The following EYA4 variants were observed in gnomAD, a reference collection of about 807,000 sequenced individuals.
EYA4 encodes protein phosphatase EYA4.
A neutral mutation model predicts 87.9 loss-of-function variants in EYA4; 31 were observed. The ratio of observed to expected loss-of-function variants is 0.35; its 90% confidence interval spans 0.27 to 0.48. EYA4 has a LOEUF of 0.48. Among genes scored for constraint, EYA4 ranks in the 20% least tolerant of loss-of-function variants. EYA4 has a pLI of 0.99. For synonymous variants in EYA4, 263 were observed against 270.6 expected, an observed-to-expected ratio of 0.97 and a Z score of 0.28; for missense variants, 678 against 761.4, an observed-to-expected ratio of 0.89 and a Z score of 1.29.
chr6:133,402,185 A>T (rs1011173043), intron 3 of EYA4, among the ~76,000 whole-genome samples: 1 of 152,080 alleles, frequency 6.6e-6, no homozygotes, highest in Admixed American at 6.6e-5. Context: ...ACACACACAC[A>T]TACCCCTTCT....
intron 13 of EYA4, among the ~76,000 whole-genome samples, chr6:133,498,364 A>T (rs931453147): frequency 3.3e-5 from 5 of 152,210 alleles, no homozygotes; most frequent in Non-Finnish European, 7.3e-5. Context: ...TGTATATAAA[A>T]TAAGGAGAAT....
intron 2 of EYA4, among the ~76,000 whole-genome samples, chr6:133,279,295 C>T (rs1199603976): frequency 5.3e-5 from 8 of 152,206 alleles, no homozygotes; most frequent in East Asian, 1.9e-4. Context: ...TTATGCATTA[C>T]GGGCCTGAAC....
chr6:133,305,826 A>G (rs894167974), intron 2 of EYA4, among the ~76,000 whole-genome samples: 4 of 152,198 alleles, frequency 2.6e-5, no homozygotes, highest in Admixed American at 6.6e-5. Context: ...TTTTTCAACT[A>G]TGTCCATTAG....
At chr6:133,304,487 C>T (rs1433888569) in intron 2 of EYA4, among the ~76,000 whole-genome samples, 1 of 152,218 alleles carries the variant, frequency 6.6e-6, no homozygotes, top group Middle Eastern at 3.4e-3. Context: ...GAAGGGCTGG[C>T]TTTAACAGAG....
At chr6:133,354,755 GT>G in intron 2 of EYA4, among the ~76,000 whole-genome samples, 1 of 152,112 alleles carries the variant, frequency 6.6e-6, no homozygotes, top group Non-Finnish European at 1.5e-5. Flanking sequence ...GAGTTCTTTA[GT>G]TTATTAAAAA....
intron 2 of EYA4, among the ~76,000 whole-genome samples, chr6:133,347,393 CTCT>C (rs1033470264): frequency 1.3e-5 from 2 of 151,748 alleles, no homozygotes; most frequent in African/African-American, 4.8e-5. Flanking sequence ...CTGCATTTAA[CTCT>C]TCTTTTTCTG....
At chr6:133,482,148 T>C (rs552305559) in intron 12 of EYA4, among the ~76,000 whole-genome samples, 2 of 152,356 alleles carry the variant, frequency 1.3e-5, no homozygotes, top group Non-Finnish European at 1.5e-5. Context: ...GATTTTTATA[T>C]ACAACATCAG....
chr6:133,529,113 G>T lies in EYA4; in HGVS notation c.*308G>T, dbSNP rs999799440. ...AGCTTTAGCAAAGAACTCTTACCCT[G>T]GCAAAGCAGCAACACACATGCTCCG... On this transcript the variant is annotated 3_prime_UTR_variant, in exon 20 of 20. Transcript: ENST00000355286. 6.7e-5 allele frequency: 80 copies of T among 1,198,448 alleles called. No individual in the cohort carries two copies. Among genetic ancestry groups the T allele is most frequent in the Non-Finnish European group, 2.0e-5 (19 of 951,040 alleles). The allele number at this position is 1,198,448 out of a possible 1,614,324, so 74.2% of individuals were successfully genotyped here.
chr6:133,268,714 A>G (rs1280260618), intron 1 of EYA4, among the ~76,000 whole-genome samples: 1 of 152,186 alleles, frequency 6.6e-6, no homozygotes, highest in Non-Finnish European at 1.5e-5. Flanking sequence ...TGGGTCAGCT[A>G]GGAAAGGATA....
rs1391405981 is a variant in EYA4, at chr6:133,357,820, C to T, written c.34-24572C>T. Among the ~76,000 whole-genome samples the T allele has an allele frequency of 2.0e-5, 3 of 151,912 alleles. No individual in the cohort carries two copies. In the East Asian group the frequency reaches 5.8e-4, roughly 29 times the overall value. On this transcript the variant is annotated intron_variant, in intron 2 of 19. Transcript: ENST00000355286. ...AGTTTTTCCTGTGGCACAGATTTTG[C>T]GCTGTGGTAATGCTTGTTGTCATTT...
chr6:133,377,683 A>G (rs1300144791), intron 2 of EYA4, among the ~76,000 whole-genome samples: 1 of 145,232 alleles, frequency 6.9e-6, no homozygotes, highest in Non-Finnish European at 1.5e-5. Flanking sequence ...TTTAAATGTT[A>G]CTAGTGCTTG....
At chr6:133,500,159 C>T (rs765712749) in intron 13 of EYA4, among the ~76,000 whole-genome samples, 1 of 151,712 alleles carries the variant, frequency 6.6e-6, no homozygotes, top group Non-Finnish European at 1.5e-5. Context: ...CTCTCAATTT[C>T]GTTTGTACAT....
chr6:133,394,293 T>TTG (rs1562369251), intron 3 of EYA4, among the ~76,000 whole-genome samples: 4 of 29,622 alleles, frequency 1.4e-4, no homozygotes, highest in African/African-American at 2.0e-4. Context: ...TGTTTTTTTT[T>TTG]TTTTTTTTTT....
At chr6:133,287,027 A>G (rs1316095147) in intron 2 of EYA4, among the ~76,000 whole-genome samples, 1 of 152,050 alleles carries the variant, frequency 6.6e-6, no homozygotes, top group Non-Finnish European at 1.5e-5. Flanking sequence ...GACATTGCCA[A>G]ATGTCTTCTC....
intron 2 of EYA4, among the ~76,000 whole-genome samples, chr6:133,321,354 A>AATTT (rs1185961309): frequency 2.0e-4 from 31 of 152,140 alleles, no homozygotes; most frequent in African/African-American, 7.2e-4. Flanking sequence ...CTTTATGTGC[A>AATTT]GTCCCCTTTT....
chr6:133,441,017 T>C (rs991220680), intron 3 of EYA4, among the ~76,000 whole-genome samples: 8 of 152,210 alleles, frequency 5.3e-5, no homozygotes, highest in Non-Finnish European at 1.0e-4. Context: ...TTGATGTTTG[T>C]GGTGCTGTAA....
At position 133,530,977 on chromosome 6, in the gene EYA4, G is replaced by A; in HGVS notation, c.*2172G>A. The A allele has an allele frequency of 7.9e-7, 1 of 1,273,052 alleles. No individual in the cohort carries two copies. 78.9% of individuals were successfully genotyped at this position (1,273,052 alleles called of 1,614,324 possible). ...TAAAACCTTAAATATTTATTACTGT[G>A]AATAAAAACAAATTATCTTTACTGT... On this transcript the variant is annotated 3_prime_UTR_variant, in exon 20 of 20. Coordinates refer to ENST00000355286, the MANE Select transcript of EYA4 (RefSeq NM_004100.5).
intron 2 of EYA4, among the ~76,000 whole-genome samples, chr6:133,310,022 A>C (rs1329328443): frequency 6.6e-6 from 1 of 152,138 alleles, no homozygotes; most frequent in African/African-American, 2.4e-5. Flanking sequence ...TCTTAATATG[A>C]GGTTTTATGT....
rs143316646 is a variant in EYA4, at chr6:133,523,467, TTTAA to T, written c.1738+294_1738+297del. 0.035 allele frequency among the ~76,000 whole-genome samples: 5,272 copies of T among 152,248 alleles called. 305 individuals are homozygous for T. The highest frequency in any genetic ancestry group is 0.12 in the African/African-American group (4,903 of 41,526). On this transcript the variant is annotated intron_variant, in intron 18 of 19. Transcript: ENST00000355286. ...TACCTCTAGCCATAGTATTTAATAG[TTTAA>T]TTAGTTTGGCTTATAATGTTGCATC...
Sources: gnomAD v4.1 joint callset for allele counts (sites outside exome capture counted in the v4.1 genomes callset) on GRCh38, gnomAD v4.1.1 for gene constraint, MANE v1.5 for transcripts, NCBI Gene and HGNC (gene_info 2026-07-23, HGNC 2026-07-21) for gene names.